Variants in CDH13 observed in about 807,000 individuals in gnomAD.
CDH13 encodes cadherin-13.
In CDH13, 24 loss-of-function variants were observed where a neutral mutation model predicts 63.8. The ratio of observed to expected loss-of-function variants is 0.38; its 90% CI spans 0.27 to 0.53. The LOEUF is 0.53. CDH13 is among the 20% of genes least tolerant of loss of function. The probability of loss-of-function intolerance (pLI) is 0.85; values close to 1 mark genes in which losing one functional copy is unlikely to be tolerated. For synonymous variants in CDH13, 503 were observed against 355.3 expected (o/e 1.42, Z -4.67); for missense variants, 1,049 against 903.1 (o/e 1.16, Z -2.07).
chr16:83,543,443 G>A (rs531357171), intron 7 of CDH13, among the ~76,000 whole-genome samples: 12 of 152,290 alleles, frequency 7.9e-5, no homozygotes, highest in South Asian at 2.1e-4. Context: ...CATTTGAGGC[G>A]CTGACTATGA....
At chr16:83,087,883 A>G (rs2151576619) in intron 3 of CDH13, among the ~76,000 whole-genome samples, 1 of 152,216 alleles carries the variant, frequency 6.6e-6, no homozygotes, top group African/African-American at 2.4e-5. Flanking sequence ...ATGGTTTCAT[A>G]GGTAGTAATA....
At chr16:82,958,773 G>C (rs1288591084) in intron 2 of CDH13, among the ~76,000 whole-genome samples, 2 of 152,258 alleles carry the variant, frequency 1.3e-5, no homozygotes, top group Non-Finnish European at 2.9e-5. Flanking sequence ...TGAAAAGCAG[G>C]AAAGAGAGAC....
At chr16:83,450,073 C>G (rs1039288598) in intron 6 of CDH13, among the ~76,000 whole-genome samples, 1 of 152,206 alleles carries the variant, frequency 6.6e-6, no homozygotes, top group Non-Finnish European at 1.5e-5. Flanking sequence ...GACATCCCAA[C>G]TCTGACCCAG....
intron 5 of CDH13, among the ~76,000 whole-genome samples, chr16:83,223,158 G>C (rs1395112218): frequency 3.9e-5 from 6 of 152,188 alleles, no homozygotes; most frequent in Non-Finnish European, 8.8e-5. Context: ...ATAAAGAAGA[G>C]AATCGTATTG....
chr16:83,714,812 T>C (rs932297694), intron 10 of CDH13, among the ~76,000 whole-genome samples: 1 of 152,152 alleles, frequency 6.6e-6, no homozygotes, highest in African/African-American at 2.4e-5. Context: ...AGGAGAGGGT[T>C]CTGATGATAC....
At chr16:82,636,733 C>G (rs368063060) in intron 1 of CDH13, among the ~76,000 whole-genome samples, 3 of 152,160 alleles carry the variant, frequency 2.0e-5, no homozygotes, top group Admixed American at 6.5e-5. Context: ...CTGGGCCACT[C>G]TAAAGAAACA....
At chr16:83,767,318 GGGGCAGTTTTCCCC>G (rs1914460224) in intron 11 of CDH13, among the ~76,000 whole-genome samples, 1 of 152,108 alleles carries the variant, frequency 6.6e-6, no homozygotes, top group Admixed American at 6.5e-5. Flanking sequence ...TGGAATCATG[GGGGCAGTTTTCCCC>G]GTACTGTTCT....
chr16:83,454,764 T>C (rs2151515345), intron 6 of CDH13, among the ~76,000 whole-genome samples: 1 of 152,230 alleles, frequency 6.6e-6, no homozygotes. Flanking sequence ...AGGATTGCAG[T>C]GGCATGATCT....
chr16:83,290,235 G>C (rs1003989759), intron 5 of CDH13, among the ~76,000 whole-genome samples: 4 of 152,118 alleles, frequency 2.6e-5, no homozygotes, highest in African/African-American at 4.8e-5. Flanking sequence ...TATTTACAAT[G>C]GCTCCCTAAC....
chr16:82,929,966 C>A (rs141114826), intron 2 of CDH13, among the ~76,000 whole-genome samples: 8 of 151,766 alleles, frequency 5.3e-5, no homozygotes, highest in Non-Finnish European at 1.2e-4. Context: ...CACCGGAAGC[C>A]CCATGCCCTC....
At chr16:82,658,903 A>G (rs1911608031) in intron 1 of CDH13, among the ~76,000 whole-genome samples, 1 of 152,184 alleles carries the variant, frequency 6.6e-6, no homozygotes, top group Non-Finnish European at 1.5e-5. Flanking sequence ...ATTCAGATAA[A>G]ATAGCCCTAA....
chr16:83,345,180 C>T (rs773425246), intron 6 of CDH13, among the ~76,000 whole-genome samples, 174 bp downstream of exon 6: 3 of 152,174 alleles, frequency 2.0e-5, no homozygotes, highest in Non-Finnish European at 4.4e-5. Context: ...AAAGCTTGAC[C>T]GAGGTGTTGC....
intron 6 of CDH13, among the ~76,000 whole-genome samples, chr16:83,444,971 T>C (rs1598036690): frequency 6.6e-6 from 1 of 152,308 alleles, no homozygotes; most frequent in East Asian, 1.9e-4. Flanking sequence ...TAAGAAAGGA[T>C]GGCATTGTTT....
chr16:83,476,369 C>T (rs750992196), intron 6 of CDH13, among the ~76,000 whole-genome samples: 1 of 152,148 alleles, frequency 6.6e-6, no homozygotes, highest in Non-Finnish European at 1.5e-5. Flanking sequence ...ACTAGGCTTG[C>T]CATTTAAAAA....
rs746618865 is a variant in CDH13, at chr16:83,798,210, C to G, written c.*3180C>G. On this transcript the variant is annotated 3_prime_UTR_variant, in exon 14 of 14. Transcript: ENST00000567109. ...AGAGTAGCTCAAATTGCATTTTACC[C>G]AAATAAATACACTGGGTCTTAATCT... 3 of 152,120 alleles carry G rather than the reference C, an allele frequency of 2.0e-5. No individual in the cohort carries two copies. The highest frequency in any genetic ancestry group is 1.5e-5 in the Non-Finnish European group (1 of 68,020). The allele number at this position is 152,120 out of a possible 1,614,324, so 9.4% of individuals were successfully genotyped here.
intron 8 of CDH13, among the ~76,000 whole-genome samples, chr16:83,634,217 T>C (rs1009107487): frequency 8.6e-5 from 13 of 151,444 alleles, no homozygotes; most frequent in Non-Finnish European, 1.6e-4. Flanking sequence ...ACCATCATGA[T>C]ACAGGACAGC....
chr16:83,669,894 T>C (rs1404618443), intron 8 of CDH13, among the ~76,000 whole-genome samples: 1 of 152,270 alleles, frequency 6.6e-6, no homozygotes, highest in East Asian at 1.9e-4. Flanking sequence ...TATTCACCTG[T>C]AGTGTGTCAG....
intron 2 of CDH13, among the ~76,000 whole-genome samples, chr16:82,863,746 A>C (rs1479122537): frequency 6.6e-6 from 1 of 152,204 alleles, no homozygotes; most frequent in African/African-American, 2.4e-5. Context: ...TATAATGGCC[A>C]TCTGAAATTG....
At chr16:83,590,245 A>T (rs1906602841) in intron 7 of CDH13, among the ~76,000 whole-genome samples, 1 of 152,048 alleles carries the variant, frequency 6.6e-6, no homozygotes, top group African/African-American at 2.4e-5. Flanking sequence ...AGGCAGGGGG[A>T]CCAACCTGGA....
Sources: gnomAD v4.1 joint callset for allele counts (sites outside exome capture counted in the v4.1 genomes callset) on GRCh38, gnomAD v4.1.1 for gene constraint, MANE v1.5 for transcripts, NCBI Gene and HGNC (gene_info 2026-07-23, HGNC 2026-07-21) for gene names.